Variants in DROSHA observed in about 807,000 individuals in gnomAD.
DROSHA encodes ribonuclease 3.
In DROSHA, 56 loss-of-function variants were observed where a neutral mutation model predicts 181.9. That is an observed-to-expected ratio of 0.31 (90% CI 0.25 to 0.38). DROSHA has a LOEUF of 0.38. Ranked by LOEUF, DROSHA falls within the 10% of genes least tolerant of loss-of-function variation. The pLI is 1.00. For synonymous variants in DROSHA, 524 were observed against 591.2 expected, an observed-to-expected ratio of 0.89 and a Z score of 1.65; for missense variants, 1,218 against 1,743.5, an observed-to-expected ratio of 0.70 and a Z score of 5.37.
chr5:31,444,752 T>A (rs1281145590), intron 23 of DROSHA, among the ~76,000 whole-genome samples: 1 of 152,154 alleles, frequency 6.6e-6, no homozygotes, highest in Non-Finnish European at 1.5e-5. Context: ...GAGGGTGTGA[T>A]TAAGGGCTGT....
chr5:31,434,173 C>T (rs1744525339), intron 25 of DROSHA, among the ~76,000 whole-genome samples: 1 of 152,238 alleles, frequency 6.6e-6, no homozygotes, highest in South Asian at 2.1e-4. Flanking sequence ...CTTTGTACAG[C>T]ACCCAATGGG....
chr5:31,514,760 T>C lies in DROSHA; in HGVS notation c.1290+228A>G, dbSNP rs921444335. Among the ~76,000 whole-genome samples, 8 of 152,134 alleles carry C rather than the reference T, an allele frequency of 5.3e-5. No homozygotes were observed. The highest frequency in any genetic ancestry group is 7.4e-5 in the Non-Finnish European group (5 of 68,024). On this transcript the variant is annotated intron_variant, in intron 8 of 35. Coordinates refer to ENST00000344624, the MANE Select transcript of DROSHA (RefSeq NM_001382508.1). This position sits in a 1 kb window ranked among gnomAD's most constrained non-coding sequence, Gnocchi z 4.4. ...TGTAACAGTGATTCTCAACTGGGGG[T>C]GATCTTTTCCCCCCAGGGGACATTT... is the stretch of plus-strand genomic sequence containing the variant.
intron 16 of DROSHA, among the ~76,000 whole-genome samples, chr5:31,474,978 A>C (rs186650774): frequency 1.3e-5 from 2 of 152,326 alleles, no homozygotes; most frequent in Admixed American, 1.3e-4. Flanking sequence ...AGTACAGTTC[A>C]ATCGAAGACA....
chr5:31,474,991 T>C (rs1162816642), intron 16 of DROSHA, among the ~76,000 whole-genome samples: 1 of 152,166 alleles, frequency 6.6e-6, no homozygotes, highest in Non-Finnish European at 1.5e-5. Context: ...CGAAGACACA[T>C]AGCTAGGGGC....
At position 31,515,511 on chromosome 5, in the gene DROSHA, G is replaced by C; in HGVS notation, c.1001C>G (p.Pro334Arg). 1 of 1,518,304 alleles carries C rather than the reference G, an allele frequency of 6.6e-7. No homozygotes were observed. The highest frequency in any genetic ancestry group is 9.0e-7 in the Non-Finnish European group (1 of 1,116,306). 94.1% of individuals were successfully genotyped at this position (1,518,304 alleles called of 1,614,324 possible). The change falls in exon 7 of 36, where the codon CCT becomes CGT. Residue 334 changes from proline to arginine, a missense_variant. Physicochemically the swap from Pro to Arg is moderately radical, Grantham distance 103. Around this residue, in one of 8 missense-constraint regions of DROSHA, gnomAD observed 536 missense variants for 535.4 expected, o/e 1.00. Coordinates refer to ENST00000344624, the MANE Select transcript of DROSHA (RefSeq NM_001382508.1). ...ATCTGTATTTTTAATAATCTCCCCA[G>C]GTAATTCTGGTGTGCATCCAGCAGG... ...PEPAGCTPEL[P>R]GEIIKNTDSW...
intron 18 of DROSHA, 189 bp downstream of exon 18, chr5:31,467,750 A>T: frequency 1.4e-6 from 1 of 708,288 alleles, no homozygotes; most frequent in Non-Finnish European, 2.1e-6. Flanking sequence ...CTTGCACTCA[A>T]ATATGTACAG....
intron 23 of DROSHA, among the ~76,000 whole-genome samples, chr5:31,443,358 G>GA (rs915277955): frequency 9.4e-5 from 14 of 148,376 alleles, no homozygotes; most frequent in South Asian, 4.3e-4. Flanking sequence ...CTCTCCAAAA[G>GA]AAAAAAAAAA....
At chr5:31,489,524 A>G (rs1044753305) in intron 13 of DROSHA, among the ~76,000 whole-genome samples, 3 of 152,194 alleles carry the variant, frequency 2.0e-5, no homozygotes, top group Non-Finnish European at 4.4e-5. Context: ...ATTTTGCTAC[A>G]CAATGGTCAA....
intron 6 of DROSHA, among the ~76,000 whole-genome samples, chr5:31,516,031 G>A (rs1052090595): frequency 1.3e-5 from 2 of 152,188 alleles, no homozygotes; most frequent in African/African-American, 4.8e-5. Context: ...CGAGGCGGGA[G>A]GATCACTTAA....
intron 27 of DROSHA, among the ~76,000 whole-genome samples, chr5:31,427,074 G>T (rs961931682): frequency 6.6e-6 from 1 of 152,154 alleles, no homozygotes; most frequent in African/African-American, 2.4e-5. Flanking sequence ...AAAGTGATGG[G>T]TTCAATGTTA....
At chr5:31,522,785 A>G (rs1288101298) in intron 5 of DROSHA, among the ~76,000 whole-genome samples, 3 of 152,224 alleles carry the variant, frequency 2.0e-5, no homozygotes, top group Non-Finnish European at 4.4e-5. Context: ...ACACATCCTT[A>G]CCACTCTGCT....
intron 9 of DROSHA, among the ~76,000 whole-genome samples, chr5:31,510,184 A>G (rs1276154298): frequency 6.6e-6 from 1 of 152,200 alleles, no homozygotes. Flanking sequence ...AGCATAATGA[A>G]ATCCAACATG....
At chr5:31,518,155 C>T (rs562088360) in intron 6 of DROSHA, among the ~76,000 whole-genome samples, 35 of 152,216 alleles carry the variant, frequency 2.3e-4, no homozygotes, top group African/African-American at 8.4e-4. Context: ...CATGTGACTG[C>T]ACTGAATGCT....
chr5:31,481,317 A>T (rs1388724568), intron 16 of DROSHA, among the ~76,000 whole-genome samples: 1 of 152,220 alleles, frequency 6.6e-6, no homozygotes, highest in Non-Finnish European at 1.5e-5. Context: ...TTTCTTTATG[A>T]CAACCTAAAT....
intron 8 of DROSHA, among the ~76,000 whole-genome samples, 157 bp from the exon 9 acceptor site, chr5:31,511,333 T>G (rs1738642213): frequency 6.6e-6 from 1 of 152,220 alleles, no homozygotes; most frequent in African/African-American, 2.4e-5. Context: ...GCTCAAGTAC[T>G]GGCAATCATA....
rs375243687 is a variant in DROSHA at position 31,410,780 on chromosome 5, C to T, written c.3633G>A (p.Ala1211=). 41 of 1,613,764 alleles carry T rather than the reference C, an allele frequency of 2.5e-5. No homozygotes were observed. The African/African-American group carries it at 3.9e-4, about 15-fold the overall frequency. Residue 1211 remains alanine (A), a synonymous_variant, in exon 31 of 36, where the codon GCG becomes GCA. Transcript: ENST00000344624. The part of the protein sequence containing the change: ...ITNDKTKRPV[A]LRTKTLADLL... ...GGTCCGCCAAGGTCTTGGTGCGAAG[C>T]GCCACAGGCCTCTTGGTCTTGTCGT...
chr5:31,423,100 G>A, intron 28 of DROSHA, 156 bp from the exon 29 acceptor site: 4 of 655,066 alleles, frequency 6.1e-6, no homozygotes, highest in Non-Finnish European at 9.7e-6. Flanking sequence ...TCATTTCTTT[G>A]AATGGCAAAC....
chr5:31,504,710 T>C, intron 10 of DROSHA, 75 bp from the exon 11 acceptor site: 1 of 1,503,700 alleles, frequency 6.7e-7, no homozygotes, highest in East Asian at 2.3e-5. Flanking sequence ...CCTCCGAAAA[T>C]GCGTGGGTTT....
chr5:31,453,299 G>A (rs1409925225), intron 20 of DROSHA, among the ~76,000 whole-genome samples: 1 of 152,086 alleles, frequency 6.6e-6, no homozygotes, highest in African/African-American at 2.4e-5. Context: ...AGGCTCAAGA[G>A]ATCCTCCCAC....
Sources: gnomAD v4.1 joint callset for allele counts (sites outside exome capture counted in the v4.1 genomes callset) on GRCh38, gnomAD v4.1.1 for gene constraint, gnomAD v4.1.1 regional missense constraint, Gnocchi (gnomAD v3.1) non-coding constraint, MANE v1.5 for transcripts, NCBI Gene and HGNC (gene_info 2026-07-23, HGNC 2026-07-21) for gene names.